The following ANK3 variants were observed in gnomAD, a reference collection of about 807,000 sequenced individuals.
The protein encoded by ANK3 is ankyrin 3.
Under a neutral mutation model 370.9 loss-of-function variants are expected in ANK3, and 57 were observed. The observed-to-expected ratio is 0.15, with a 90% CI of 0.12 to 0.19. The LOEUF (loss-of-function observed/expected upper bound fraction) is 0.19. Ranked by LOEUF, ANK3 falls within the 10% of genes least tolerant of loss-of-function variation. The pLI is 1.00. For synonymous variants in ANK3, 1,929 were observed against 1,946.3 expected, an observed-to-expected ratio of 0.99 and a Z score of 0.23; for missense variants, 4,439 against 5,302.1, an observed-to-expected ratio of 0.84 and a Z score of 5.06.
Position 60,074,319 on chromosome 10 carries a change from G to A in ANK3, c.6562C>T (p.Pro2188Ser), listed in dbSNP as rs1031301461. 3 of 1,613,996 alleles carry A rather than the reference G, an allele frequency of 1.9e-6. No homozygotes were observed. Among genetic ancestry groups the A allele is most frequent in the Non-Finnish European group, 2.5e-6 (3 of 1,179,976 alleles). ...GGTTTAGGTGACACAGGCTCCTCTGGTTGGGTCTGGGGAACATCCCCAGCT... is the reference window on the plus strand; with the variant it reads ...GGTTTAGGTGACACAGGCTCCTCTGATTGGGTCTGGGGAACATCCCCAGCT... ...PSAGDVPQTQ[P>S]EEPVSPKPSP... Residue 2188 changes from proline to serine, a missense_variant, in exon 37 of 44, where the codon CCA (proline) becomes TCA (serine). Pro to Ser is a moderately conservative substitution (Grantham distance 74). Transcript: ENST00000280772.
chr10:60,046,318 C>T (rs1345719410), intron 42 of ANK3, among the ~76,000 whole-genome samples: 2 of 152,132 alleles, frequency 1.3e-5, no homozygotes, highest in African/African-American at 4.8e-5. Context: ...TTCCTTATAG[C>T]TTAAACACGA....
chr10:60,094,416 G>A (rs990317238), intron 28 of ANK3, among the ~76,000 whole-genome samples: 2 of 151,980 alleles, frequency 1.3e-5, no homozygotes, highest in Admixed American at 6.5e-5. Flanking sequence ...TTGAACTCCT[G>A]AGCTCAAGTG....
intron 1 of ANK3, among the ~76,000 whole-genome samples, chr10:60,302,422 TATTC>T (rs1372512524): frequency 2.0e-5 from 3 of 152,286 alleles, no homozygotes; most frequent in South Asian, 2.1e-4. Context: ...TTATATCAGC[TATTC>T]ATTATTATAA....
At chr10:60,446,628 C>T (rs2064453945) in intron 2 of ANK3, among the ~76,000 whole-genome samples, 1 of 152,120 alleles carries the variant, frequency 6.6e-6, no homozygotes, top group Admixed American at 6.5e-5. Flanking sequence ...TCCATACAGC[C>T]AAGGGCAGAT....
intron 1 of ANK3, among the ~76,000 whole-genome samples, chr10:60,330,879 A>G (rs1026717354): frequency 6.6e-6 from 1 of 152,224 alleles, no homozygotes; most frequent in Non-Finnish European, 1.5e-5. Context: ...ATGCCCATCA[A>G]TGTTAGACTG....
At chr10:60,042,858 A>T in intron 42 of ANK3, 99 bp from the exon 43 acceptor site, 1 of 1,567,668 alleles carries the variant, frequency 6.4e-7, no homozygotes, top group Non-Finnish European at 8.6e-7. Flanking sequence ...GACAAGCGAA[A>T]CAGTTTAAAG....
intron 18 of ANK3, among the ~76,000 whole-genome samples, chr10:60,174,205 G>A (rs1418894121): frequency 2.6e-5 from 4 of 152,162 alleles, no homozygotes; most frequent in Non-Finnish European, 4.4e-5. Context: ...GACTGCAGAA[G>A]GTGAAGATAC....
At chr10:60,157,886 AAGAGAG>A (rs59965251) in intron 23 of ANK3, among the ~76,000 whole-genome samples, 7,358 of 132,748 alleles carry the variant, frequency 0.055, 581 homozygotes, top group African/African-American at 0.19. Flanking sequence ...GAGAGAGAAA[AAGAGAG>A]AGAGAGAGAG....
chr10:60,059,350 G>A lies in ANK3; in HGVS notation c.12676C>T (p.Leu4226=), dbSNP rs914423688. Residue 4226 remains leucine, a synonymous_variant, in exon 41 of 44, where the codon CTG becomes TTG. Coordinates refer to ENST00000280772, the MANE Select transcript of ANK3 (RefSeq NM_020987.5). ...TTGAAACAGCCATACCTGTCATCCA[G>A]TCGATCTAGTAACCCACCAGTTACT... ...RRVTGGLLDR[L]DDSPDQCRDS... is the part of the protein sequence containing the mutation. 5 of 1,613,814 alleles carry A rather than the reference G, an allele frequency of 3.1e-6. No homozygotes were observed. The Admixed American group carries it at 5.0e-5, about 16-fold the overall frequency.
chr10:60,692,492 T>C (rs923913234), intron 1 of ANK3, among the ~76,000 whole-genome samples: 7 of 152,194 alleles, frequency 4.6e-5, no homozygotes, highest in African/African-American at 1.7e-4. Flanking sequence ...CTAAAACTGA[T>C]CTATTAAGAA....
chr10:60,072,415 A>C lies in ANK3; in HGVS notation c.8466T>G (p.Pro2822=), dbSNP rs745805407. 1 of 1,614,070 alleles carries C rather than the reference A, an allele frequency of 6.2e-7. No homozygotes were observed. Among genetic ancestry groups the C allele is most frequent in the Admixed American group, 1.7e-5 (1 of 60,018 alleles). The change falls in exon 37 of 44, where the codon CCT becomes CCG. Residue 2822 remains proline, a synonymous_variant. Coordinates refer to ENST00000280772, the MANE Select transcript of ANK3 (RefSeq NM_020987.5). ...TAGCCTGCTGCTCAGAAAAAGAGTC[A>C]GGCATTGCTTTACTTGACATTTCAG... ...QRTEMSSKAM[P]DSFSEQQAKD... is the part of the protein sequence containing the mutation.
chr10:60,073,318 A>C lies in ANK3; in HGVS notation c.7563T>G (p.Asp2521Glu), dbSNP rs1283875658. ...CTTTACCTACACCATTTTCAGAAACATCTTTATAGATTTTGGAGAGAATTT... is the reference window on the plus strand; with the variant it reads ...CTTTACCTACACCATTTTCAGAAACCTCTTTATAGATTTTGGAGAGAATTT... ...KKEILSKIYKDVSENGVGKVS... is the reference protein window; with the variant it reads ...KKEILSKIYKEVSENGVGKVS... Residue 2521 changes from aspartate (D) to glutamate (E), a missense_variant, in exon 37 of 44, where the codon GAT becomes GAG. Coordinates refer to ENST00000280772, the MANE Select transcript of ANK3 (RefSeq NM_020987.5). 6.2e-7 allele frequency: 1 copy of C among 1,614,010 alleles called. No homozygotes were observed. Among genetic ancestry groups the C allele is most frequent in the Admixed American group, 1.7e-5 (1 of 59,998 alleles).
intron 1 of ANK3, among the ~76,000 whole-genome samples, chr10:60,619,320 C>T (rs866094370): frequency 3.5e-4 from 54 of 152,214 alleles, no homozygotes; most frequent in African/African-American, 1.3e-3. Context: ...TCCTCCCTAA[C>T]CCTGCCTCCA....
intron 26 of ANK3, among the ~76,000 whole-genome samples, chr10:60,110,998 A>G (rs1037827144): frequency 2.0e-5 from 3 of 152,190 alleles, no homozygotes; most frequent in Admixed American, 6.5e-5. Flanking sequence ...TGCAGAGCCA[A>G]GCACAATTCT....
At chr10:60,260,899 T>A (rs2097794007) in intron 7 of ANK3, among the ~76,000 whole-genome samples, 1 of 152,162 alleles carries the variant, frequency 6.6e-6, no homozygotes, top group South Asian at 2.1e-4. Context: ...TCTTTATGAA[T>A]TACCCAATCT....
At chr10:60,078,005 T>A (rs1286094073) in intron 36 of ANK3, among the ~76,000 whole-genome samples, 1 of 152,136 alleles carries the variant, frequency 6.6e-6, no homozygotes, top group Middle Eastern at 3.2e-3. Context: ...CTTCTACAAC[T>A]CAAACAAACC....
Position 60,622,734 on chromosome 10 carries a change from G to T in ANK3, c.58-7510C>A, listed in dbSNP as rs183895817. On this transcript the variant is annotated intron_variant, in intron 1 of 43. Coordinates refer to the ANK3 transcript ENST00000373827. ...AAAATGCATACTAGAATCCTGGCAGGGAAGAAAATGGGCTTTTAAAATGAG... is the reference window on the plus strand; with the variant it reads ...AAAATGCATACTAGAATCCTGGCAGTGAAGAAAATGGGCTTTTAAAATGAG... 1.5e-3 allele frequency among the ~76,000 whole-genome samples: 231 copies of T among 152,208 alleles called. No homozygotes were observed. The Middle Eastern group carries it at 0.017, about 11-fold the overall frequency.
At chr10:60,053,359 G>C (rs9663655) in intron 42 of ANK3, among the ~76,000 whole-genome samples, 1 of 152,106 alleles carries the variant, frequency 6.6e-6, no homozygotes, top group Non-Finnish European at 1.5e-5. Flanking sequence ...AAAAGTAGAA[G>C]AGCATCTATG....
chr10:60,253,592 C>A (rs2097697250), intron 7 of ANK3, among the ~76,000 whole-genome samples: 2 of 152,188 alleles, frequency 1.3e-5, no homozygotes, highest in Non-Finnish European at 2.9e-5. Flanking sequence ...CATGCATCTC[C>A]TCCATTCTGT....
Sources: gnomAD v4.1 joint callset for allele counts (sites outside exome capture counted in the v4.1 genomes callset) on GRCh38, gnomAD v4.1.1 for gene constraint, MANE v1.5 for transcripts, NCBI Gene and HGNC (gene_info 2026-07-23, HGNC 2026-07-21) for gene names.